OR51B5: variants seen among roughly 807,000 people sequenced by gnomAD.
OR51B5 encodes olfactory receptor family 51 subfamily B member 5.
For synonymous variants in OR51B5, 186 were observed against 144.8 expected (o/e 1.28, Z -2.04); for missense variants, 456 against 374.6 (o/e 1.22, Z -1.79).
chr11:5,445,144 T>G (rs1453704030), intron 1 of OR51B5, among the ~76,000 whole-genome samples: 1 of 152,174 alleles, frequency 6.6e-6, no homozygotes, highest in East Asian at 1.9e-4. Context: ...TATTCGTACA[T>G]TGATTATATA....
chr11:5,366,216 A>G (rs1370402615), intron 1 of OR51B5, among the ~76,000 whole-genome samples: 1 of 152,122 alleles, frequency 6.6e-6, no homozygotes. Context: ...AGGAAGGAAA[A>G]TCAGTAGGAA....
rs1039031431 is a variant in OR51B5 at position 5,422,095 on chromosome 11, T to A, written n.85-75185A>T. ...TAGTTACCCTCAACAACTCTGAACA[T>A]TTATTTGTGTAGAATTTGGATTAAA... On this transcript the variant is annotated intron_variant and non_coding_transcript_variant, in intron 1 of 4. Transcript: ENST00000415970. 5.5e-6 allele frequency: 5 copies of A among 906,478 alleles called. No homozygotes were observed. The Admixed American group carries it at 1.3e-4, about 24-fold the overall frequency. 56.2% of individuals were successfully genotyped at this position (906,478 alleles called of 1,614,324 possible). A position where few individuals can be genotyped will look rare whatever the true frequency, so the allele number is the denominator to read the frequency against.
chr11:5,343,240 G>C (rs771019204), exon 1 of OR51B5: 1 of 1,613,664 alleles, frequency 6.2e-7, no homozygotes, highest in South Asian at 1.1e-5. Context: ...CCTGGGAAAA[G>C]CAGGCCGCAC....
At chr11:5,353,931 A>G (rs1218865861) in intron 1 of OR51B5, among the ~76,000 whole-genome samples, 1 of 150,716 alleles carries the variant, frequency 6.6e-6, no homozygotes, top group East Asian at 1.9e-4. Flanking sequence ...ATCTGATTAG[A>G]CCAAAAGATT....
At chr11:5,428,372 T>C (rs943972191) in intron 1 of OR51B5, among the ~76,000 whole-genome samples, 3 of 152,166 alleles carry the variant, frequency 2.0e-5, no homozygotes, top group African/African-American at 7.2e-5. Flanking sequence ...TATCTAAAAA[T>C]GTACATACAT....
intron 1 of OR51B5, among the ~76,000 whole-genome samples, chr11:5,365,291 A>G (rs1354193547): frequency 2.0e-5 from 3 of 152,164 alleles, no homozygotes; most frequent in Non-Finnish European, 1.5e-5. Context: ...TTAGAATACC[A>G]CTGGTGTTTG....
chr11:5,341,749 G>A (rs1848896832), downstream of OR51B5, among the ~76,000 whole-genome samples: 1 of 152,088 alleles, frequency 6.6e-6, no homozygotes, highest in Admixed American at 6.6e-5. Context: ...AGCAAAAGGA[G>A]GGTGAAGGAA....
At chr11:5,503,286 A>G (rs752738136) in intron 1 of OR51B5, among the ~76,000 whole-genome samples, 40 of 152,364 alleles carry the variant, frequency 2.6e-4, no homozygotes, top group Middle Eastern at 6.8e-3. Flanking sequence ...GCAACTGGTA[A>G]TAGCACAGTT....
chr11:5,428,031 G>A (rs1483856534), intron 1 of OR51B5, among the ~76,000 whole-genome samples: 2 of 152,044 alleles, frequency 1.3e-5, no homozygotes, highest in Non-Finnish European at 2.9e-5. Context: ...TTAAATTCAT[G>A]ATGTCAGGTA....
rs1851431302 is a variant in OR51B5, at chr11:5,482,056, T to A, written n.84+23513A>T. On this transcript the variant is annotated intron_variant and non_coding_transcript_variant, in intron 1 of 4. Transcript: ENST00000415970. ...AGAGCCTGCATCACCAAGGCAATCC[T>A]AAGCCAAAAGAACAAAGCTGGAGGC... Among the ~76,000 whole-genome samples the A allele has an allele frequency of 3.3e-5, 4 of 120,444 alleles. 2 individuals are homozygous for A. In the South Asian group the frequency reaches 1.4e-3, roughly 41 times the overall value. 79.0% of individuals were successfully genotyped at this position (120,444 alleles called of 152,430 possible).
At chr11:5,381,758 G>A (rs998539340) in intron 1 of OR51B5, among the ~76,000 whole-genome samples, 4 of 152,130 alleles carry the variant, frequency 2.6e-5, no homozygotes, top group Non-Finnish European at 4.4e-5. Flanking sequence ...GAGCAATAAA[G>A]AATCAAAAAT....
At chr11:5,400,362 C>T (rs995685071) in intron 1 of OR51B5, among the ~76,000 whole-genome samples, 6 of 151,988 alleles carry the variant, frequency 3.9e-5, no homozygotes, top group Non-Finnish European at 7.4e-5. Flanking sequence ...CCTATTACAT[C>T]TACAGTTTTT....
At chr11:5,401,567 T>G (rs1159677307) in intron 1 of OR51B5, among the ~76,000 whole-genome samples, 1 of 152,258 alleles carries the variant, frequency 6.6e-6, no homozygotes, top group African/African-American at 2.4e-5. Flanking sequence ...TACAATTATA[T>G]TCATTCTTCA....
chr11:5,451,488 C>T (rs1331331556), intron 1 of OR51B5, among the ~76,000 whole-genome samples: 1 of 152,168 alleles, frequency 6.6e-6, no homozygotes, highest in Non-Finnish European at 1.5e-5. Context: ...CTTGAAGAGA[C>T]ACAAGCATAT....
At chr11:5,453,423 T>G in intron 1 of OR51B5, 2 of 1,197,366 alleles carry the variant, frequency 1.7e-6, no homozygotes, top group Non-Finnish European at 2.3e-6. Flanking sequence ...CTCCAGCAAG[T>G]GCAACTGTTA....
intron 1 of OR51B5, among the ~76,000 whole-genome samples, chr11:5,418,466 C>T (rs1439577304): frequency 6.6e-6 from 1 of 151,756 alleles, no homozygotes; most frequent in Non-Finnish European, 1.5e-5. Context: ...ACAAAAAAAG[C>T]ACCGAACCAA....
At chr11:5,366,371 C>G (rs528622466) in intron 1 of OR51B5, among the ~76,000 whole-genome samples, 2 of 152,244 alleles carry the variant, frequency 1.3e-5, no homozygotes, top group East Asian at 3.9e-4. Flanking sequence ...CTTTGGGTGG[C>G]TGAGGCAGGA....
At chr11:5,454,364 T>A (rs769842685) in intron 1 of OR51B5, 1 of 1,613,784 alleles carries the variant, frequency 6.2e-7, no homozygotes, top group Non-Finnish European at 8.5e-7. Context: ...CTCTCATTTA[T>A]AGCGCCAAGA....
At chr11:5,368,038 C>G (rs750006746) in intron 1 of OR51B5, among the ~76,000 whole-genome samples, 1 of 152,146 alleles carries the variant, frequency 6.6e-6, no homozygotes, top group Non-Finnish European at 1.5e-5. Flanking sequence ...CCACAACTAA[C>G]CCAAGCTTCA....
Sources: gnomAD v4.1 joint callset for allele counts (sites outside exome capture counted in the v4.1 genomes callset) on GRCh38, gnomAD v4.1.1 for gene constraint, MANE v1.5 for transcripts, NCBI Gene and HGNC (gene_info 2026-07-23, HGNC 2026-07-21) for gene names.